The following AKAP13 variants were observed in gnomAD, a reference collection of about 807,000 sequenced individuals.
AKAP13 encodes the protein A-kinase anchoring protein 13.
AKAP13 carries 80 observed loss-of-function variants against 264.5 expected under a neutral mutation model. The ratio of observed to expected loss-of-function variants is 0.30; its 90% confidence interval spans 0.25 to 0.36. The LOEUF (loss-of-function observed/expected upper bound fraction) is 0.36, where lower values mean the gene tolerates loss of function less well. Among genes scored for constraint, AKAP13 ranks in the 10% least tolerant of loss-of-function variants. AKAP13 has a pLI of 1.00. For missense variants in AKAP13, 3,712 were observed against 3,435.2 expected (o/e 1.08, Z -2.01); for synonymous variants, 1,380 against 1,250.2 (o/e 1.10, Z -2.19).
chr15:85,674,065 G>T (rs1231695213), intron 14 of AKAP13, among the ~76,000 whole-genome samples: 1 of 151,718 alleles, frequency 6.6e-6, no homozygotes, highest in Admixed American at 6.6e-5. Context: ...AAATAATAGA[G>T]AATCTGCTTG....
chr15:85,483,639 A>AAAAAC (rs1555434079), intron 1 of AKAP13, among the ~76,000 whole-genome samples: 5 of 122,224 alleles, frequency 4.1e-5, no homozygotes, highest in Admixed American at 7.7e-5. Context: ...TCTCAAAAAA[A>AAAAAC]AAAAAAAAAA....
At chr15:85,610,304 C>A (rs772738145) in intron 8 of AKAP13, among the ~76,000 whole-genome samples, 2 of 152,138 alleles carry the variant, frequency 1.3e-5, no homozygotes, top group Non-Finnish European at 2.9e-5. Context: ...TTGCCTCTTC[C>A]CTTCTTTTTC....
chr15:85,528,556 C>T (rs1015319779), intron 3 of AKAP13, among the ~76,000 whole-genome samples: 6 of 152,184 alleles, frequency 3.9e-5, no homozygotes, highest in Non-Finnish European at 7.3e-5. Context: ...ATGGTGTTCT[C>T]ATTTTGTGTA....
chr15:85,462,678 T>C (rs1166919328), intron 1 of AKAP13, among the ~76,000 whole-genome samples: 1 of 152,156 alleles, frequency 6.6e-6, no homozygotes, highest in Non-Finnish European at 1.5e-5. Context: ...CTACTTAGAA[T>C]CAAAGCTATG....
intron 14 of AKAP13, 87 bp downstream of exon 14, chr15:85,669,917 A>T: frequency 3.2e-6 from 3 of 946,298 alleles, no homozygotes; most frequent in Non-Finnish European, 4.6e-6. Context: ...GCCCCATAAC[A>T]TTACCTGCCA....
intron 14 of AKAP13, among the ~76,000 whole-genome samples, chr15:85,670,232 C>T (rs1596994246): frequency 6.6e-6 from 1 of 152,098 alleles, no homozygotes; most frequent in African/African-American, 2.4e-5. Context: ...GCCAGCCTCT[C>T]TCCCTCTCTT....
intron 16 of AKAP13, among the ~76,000 whole-genome samples, chr15:85,690,637 A>G (rs1056988248): frequency 6.6e-6 from 1 of 152,230 alleles, no homozygotes; most frequent in East Asian, 1.9e-4. Context: ...TCATAGATCT[A>G]GCAATTATTT....
chr15:85,668,792 A>C (rs2083743823), intron 13 of AKAP13, among the ~76,000 whole-genome samples: 4 of 152,094 alleles, frequency 2.6e-5, no homozygotes, highest in Admixed American at 2.6e-4. Context: ...AAATACAAAA[A>C]ATTAGCTGGG....
chr15:85,565,358 G>A lies in AKAP13; in HGVS notation c.663-9773G>A, dbSNP rs547080514. On this transcript the variant is annotated intron_variant, in intron 5 of 36. Coordinates refer to ENST00000394518, the MANE Select transcript of AKAP13 (RefSeq NM_007200.5). ...TTTTGTCTGGTTTTTTAAAGTGTCA[G>A]CTGAGGCTATGGTGCCTCTTAATTC... 2.5e-4 allele frequency among the ~76,000 whole-genome samples: 38 copies of A among 152,252 alleles called. 1 individual carries two copies. The South Asian group carries it at 7.2e-3, about 29-fold the overall frequency.
chr15:85,442,508 T>C (rs1195465537), intron 1 of AKAP13, among the ~76,000 whole-genome samples: 2 of 113,268 alleles, frequency 1.8e-5, no homozygotes, highest in Non-Finnish European at 3.7e-5. Context: ...TTATATTATA[T>C]ATAATATATA....
At position 85,543,943 on chromosome 15, in the gene AKAP13, A is replaced by T; in HGVS notation, c.650A>T (p.Gln217Leu). The change falls in exon 5 of 37, where the codon CAG becomes CTG. Residue 217 changes from glutamine (Q) to leucine (L), a missense_variant. This residue lies in a region of AKAP13 where 2,759 missense variants were observed against 2,411.7 expected (regional missense o/e 1.14). Coordinates refer to ENST00000394518, the MANE Select transcript of AKAP13 (RefSeq NM_007200.5). ...GAGCGAGGCTATCACAAGCTGCACC[A>T]GCTTCTAACCGAGTAAGTGCTCCTT... ...ALERGYHKLH[Q>L]LLTEENAGEP... is the part of the protein sequence containing the mutation. The T allele has an allele frequency of 1.2e-6, 2 of 1,612,124 alleles. No homozygotes were observed. The highest frequency in any genetic ancestry group is 2.2e-5 in the South Asian group (2 of 91,034).
chr15:85,595,812 G>T (rs1181345472), intron 8 of AKAP13, among the ~76,000 whole-genome samples: 1 of 152,146 alleles, frequency 6.6e-6, no homozygotes, highest in Non-Finnish European at 1.5e-5. Context: ...TGATCTGGCA[G>T]TAATCCAGGT....
intron 17 of AKAP13, among the ~76,000 whole-genome samples, chr15:85,706,112 C>G (rs1331544599): frequency 6.6e-6 from 1 of 151,932 alleles, no homozygotes; most frequent in Non-Finnish European, 1.5e-5. Context: ...AAGACTTTAG[C>G]TGAGTGGGGA....
At chr15:85,661,745 A>G (rs1440900920) in intron 12 of AKAP13, among the ~76,000 whole-genome samples, 1 of 152,178 alleles carries the variant, frequency 6.6e-6, no homozygotes, top group African/African-American at 2.4e-5. Context: ...CATTATCATT[A>G]AAACATAAGC....
Position 85,423,424 on chromosome 15 carries a change from T to C in AKAP13, c.-12+42626T>C, listed in dbSNP as rs150651411. On this transcript the variant is annotated intron_variant, in intron 1 of 36. Transcript: ENST00000394518. ...GCACAGCATCTGCACCAAGAGTAGA[T>C]TCCATGTCTAGAAGCCACTTTCTTT... 1.3e-3 allele frequency among the ~76,000 whole-genome samples: 197 copies of C among 152,338 alleles called. 1 individual carries two copies. Among genetic ancestry groups the C allele is most frequent in the African/African-American group, 4.7e-3 (195 of 41,584 alleles).
At chr15:85,693,483 G>A (rs966346516) in intron 17 of AKAP13, 32 bp downstream of exon 17, 5 of 1,605,628 alleles carry the variant, frequency 3.1e-6, no homozygotes, top group Non-Finnish European at 4.2e-6. Flanking sequence ...CTCGTAAGAT[G>A]GAACTCTCTT....
intron 2 of AKAP13, among the ~76,000 whole-genome samples, chr15:85,508,477 T>TG (rs1184404310): frequency 3.4e-5 from 5 of 148,430 alleles, no homozygotes; most frequent in Non-Finnish European, 6.0e-5. Context: ...GGGGTTGAAG[T>TG]GGGGAATTCC....
intron 4 of AKAP13, among the ~76,000 whole-genome samples, chr15:85,538,634 C>G (rs1245495075): frequency 1.3e-5 from 2 of 148,882 alleles, no homozygotes; most frequent in Non-Finnish European, 3.0e-5. Context: ...GGACTACAGA[C>G]GCCCGCCACC....
chr15:85,442,464 C>T (rs188766477), intron 1 of AKAP13, among the ~76,000 whole-genome samples: 9,629 of 84,236 alleles, frequency 0.11, 652 homozygotes, highest in East Asian at 0.3. Flanking sequence ...ATATAATATA[C>T]ATAATATATA....
Sources: allele counts gnomAD v4.1 joint callset (sites outside exome capture counted in the v4.1 genomes callset), GRCh38; gene constraint gnomAD v4.1.1; regional missense constraint gnomAD v4.1.1; transcripts MANE v1.5; gene names NCBI Gene and HGNC (gene_info 2026-07-23, HGNC 2026-07-21).